ZNF804B: variants seen among roughly 807,000 people sequenced by gnomAD.
ZNF804B encodes the protein zinc finger 804B.
Under a neutral mutation model 101.4 loss-of-function variants are expected in ZNF804B, and 80 were observed. The ratio of observed to expected loss-of-function variants is 0.79; its 90% CI spans 0.66 to 0.95. ZNF804B has a LOEUF of 0.95. ZNF804B is among the 40% of genes least tolerant of loss of function. The pLI is 0.00. For missense variants in ZNF804B, 1,673 were observed against 1,561.9 expected, an observed-to-expected ratio of 1.07 and a Z score of -1.20; for synonymous variants, 622 against 558.8, an observed-to-expected ratio of 1.11 and a Z score of -1.59.
intron 1 of ZNF804B, among the ~76,000 whole-genome samples, chr7:88,918,867 C>A (rs1175578384): frequency 1.3e-5 from 2 of 152,046 alleles, no homozygotes; most frequent in Non-Finnish European, 2.9e-5. Flanking sequence ...GTGATAAATC[C>A]TCTGACTATA....
At chr7:88,933,449 C>T (rs1033331502) in intron 1 of ZNF804B, among the ~76,000 whole-genome samples, 4 of 151,826 alleles carry the variant, frequency 2.6e-5, no homozygotes, top group Admixed American at 6.6e-5. Flanking sequence ...CGCAATCAAA[C>T]AAGAGAAAGA....
intron 1 of ZNF804B, among the ~76,000 whole-genome samples, chr7:88,914,323 T>C (rs921314520): frequency 2.0e-5 from 3 of 152,162 alleles, no homozygotes; most frequent in African/African-American, 7.2e-5. Context: ...ATAGGGTCCA[T>C]GTTTGGCGTG....
Position 89,327,318 on chromosome 7 carries a change from CT to C in ZNF804B, c.250-21del, listed in dbSNP as rs375440459. On this transcript the variant is annotated intron_variant, in intron 2 of 3. Transcript: ENST00000333190. ...AGAATATATTATTTATTTATAGTAC[CT>C]TTTTGGTTTTTCTTCTTTTTCAAGA... 1,694 of 1,568,416 alleles carry C rather than the reference CT, an allele frequency of 1.1e-3. 20 individuals are homozygous for C. The African/African-American group carries it at 0.02, about 19-fold the overall frequency.
intron 1 of ZNF804B, among the ~76,000 whole-genome samples, chr7:89,049,103 T>C (rs373815125): frequency 2.7e-5 from 4 of 150,484 alleles, no homozygotes; most frequent in East Asian, 3.9e-4. Flanking sequence ...CATTAACATA[T>C]CATTAACAAT....
chr7:89,066,413 G>T (rs989968778), intron 1 of ZNF804B, among the ~76,000 whole-genome samples: 6 of 151,988 alleles, frequency 3.9e-5, no homozygotes, highest in Non-Finnish European at 2.9e-5. Context: ...AAGTATATAG[G>T]GAGTGGAGGG....
intron 1 of ZNF804B, among the ~76,000 whole-genome samples, chr7:88,997,335 G>A (rs945349926): frequency 7.2e-5 from 11 of 152,014 alleles, no homozygotes; most frequent in African/African-American, 2.7e-4. Flanking sequence ...AACTTAACAA[G>A]TCTTATTTTG....
chr7:89,075,095 C>T (rs912565860), intron 1 of ZNF804B, among the ~76,000 whole-genome samples: 1 of 152,014 alleles, frequency 6.6e-6, no homozygotes, highest in East Asian at 1.9e-4. Flanking sequence ...GAAGCAGAGC[C>T]TAAAAGTTCA....
Position 88,818,521 on chromosome 7 carries a change from T to G in ZNF804B, c.108+58437T>G, listed in dbSNP as rs150934296. Among the ~76,000 whole-genome samples the G allele has an allele frequency of 5.3e-3, 811 of 152,346 alleles. 6 individuals carry two copies. Among genetic ancestry groups the G allele is most frequent in the African/African-American group, 0.019 (790 of 41,580 alleles). On this transcript the variant is annotated intron_variant, in intron 1 of 3. Coordinates refer to ENST00000333190, the MANE Select transcript of ZNF804B (RefSeq NM_181646.5). ...AATGTAGTGAGTGATCAGCAAATTT[T>G]ACTTCTCTTTCTTTCTTCTATAAAC... is the stretch of plus-strand genomic sequence containing the variant.
intron 1 of ZNF804B, among the ~76,000 whole-genome samples, chr7:88,974,539 A>G (rs771782744): frequency 2.6e-5 from 4 of 151,250 alleles, no homozygotes; most frequent in Non-Finnish European, 5.9e-5. Context: ...ATCAATATTG[A>G]TAGTTTATCT....
intron 2 of ZNF804B, among the ~76,000 whole-genome samples, chr7:89,291,837 A>T (rs1562938626): frequency 6.6e-6 from 1 of 152,156 alleles, no homozygotes. Context: ...GCATTTAACA[A>T]TCAAACTCCC....
chr7:89,104,155 C>CA (rs1790099972), intron 1 of ZNF804B, among the ~76,000 whole-genome samples: 1 of 151,918 alleles, frequency 6.6e-6, no homozygotes, highest in Non-Finnish European at 1.5e-5. Flanking sequence ...AAGATTTTTG[C>CA]ATCTATGTTC....
intron 1 of ZNF804B, among the ~76,000 whole-genome samples, chr7:88,777,783 G>T (rs994234322): frequency 6.8e-6 from 1 of 147,752 alleles, no homozygotes; most frequent in Non-Finnish European, 1.5e-5. Context: ...CAGAGGCAGA[G>T]GTTGCAGTGA....
chr7:88,789,832 T>TG (rs1205503828), intron 1 of ZNF804B, among the ~76,000 whole-genome samples: 2 of 152,136 alleles, frequency 1.3e-5, no homozygotes, highest in Non-Finnish European at 2.9e-5. Flanking sequence ...TGTAGAGTTA[T>TG]GATACAGTCA....
At chr7:89,162,341 C>G (rs1053797230) in intron 1 of ZNF804B, among the ~76,000 whole-genome samples, 5 of 152,052 alleles carry the variant, frequency 3.3e-5, no homozygotes, top group Admixed American at 6.6e-5. Context: ...TATGAAGATA[C>G]CATCTAACTG....
chr7:88,877,030 T>TA (rs1173012218), intron 1 of ZNF804B, among the ~76,000 whole-genome samples: 17 of 43,160 alleles, frequency 3.9e-4, no homozygotes, highest in African/African-American at 1.5e-3. Flanking sequence ...ATATATAATA[T>TA]ATATATATAT....
chr7:88,947,583 T>G (rs1793155798), intron 1 of ZNF804B, among the ~76,000 whole-genome samples: 1 of 151,706 alleles, frequency 6.6e-6, no homozygotes. Flanking sequence ...GACAGGTTGA[T>G]GGGTGCAGCA....
At chr7:88,879,848 G>A (rs558784056) in intron 1 of ZNF804B, among the ~76,000 whole-genome samples, 48 of 152,204 alleles carry the variant, frequency 3.2e-4, no homozygotes, top group African/African-American at 1.0e-3. Context: ...AGACCAGCCT[G>A]GGAAACATGG....
At chr7:89,165,627 G>T (rs1055847694) in intron 1 of ZNF804B, among the ~76,000 whole-genome samples, 1 of 151,936 alleles carries the variant, frequency 6.6e-6, no homozygotes, top group Non-Finnish European at 1.5e-5. Context: ...TAAACACACT[G>T]TACGTAAAAT....
chr7:88,954,949 C>A (rs975616784), intron 1 of ZNF804B, among the ~76,000 whole-genome samples: 4 of 151,434 alleles, frequency 2.6e-5, no homozygotes, highest in African/African-American at 9.7e-5. Context: ...AGAACAAAGT[C>A]ATTTTGAATA....
Sources: allele counts gnomAD v4.1 joint callset (sites outside exome capture counted in the v4.1 genomes callset), GRCh38; gene constraint gnomAD v4.1.1; transcripts MANE v1.5; gene names NCBI Gene and HGNC (gene_info 2026-07-23, HGNC 2026-07-21).